ZHX2: variants seen among roughly 807,000 people sequenced by gnomAD.
ZHX2 encodes the protein zinc fingers and homeoboxes 2.
A neutral mutation model predicts 21.9 loss-of-function variants in ZHX2; 6 were observed. The observed-to-expected ratio is 0.27, with a 90% confidence interval of 0.15 to 0.54. The LOEUF is 0.54. Among genes scored for constraint, ZHX2 ranks in the 20% least tolerant of loss-of-function variants. The pLI is 0.95. For synonymous variants in ZHX2, 434 were observed against 437.1 expected (o/e 0.99, Z 0.09); for missense variants, 908 against 1,090.7 (o/e 0.83, Z 2.36).
rs1246970415 is a variant in ZHX2 at position 122,782,260 on chromosome 8, G to A, written c.-283+314G>A. 6.6e-6 allele frequency among the ~76,000 whole-genome samples: 1 copy of A among 152,034 alleles called. No homozygotes were observed. Among genetic ancestry groups the A allele is most frequent in the East Asian group, 1.9e-4 (1 of 5,182 alleles). On this transcript the variant is annotated intron_variant, in intron 1 of 3. Transcript: ENST00000314393. The surrounding 1 kb of genome is among the most constrained non-coding windows in gnomAD (Gnocchi z 5.3). The stretch of plus-strand genomic sequence containing the variant: ...GCCAGAGCGAGGAGGAGGAGGAGGA[G>A]GAGGAAAAACATGTCTACGTTTCCC...
At chr8:122,848,455 C>T (rs74318762) in intron 1 of ZHX2, among the ~76,000 whole-genome samples, 5,870 of 152,166 alleles carry the variant, frequency 0.039, 189 homozygotes, top group Non-Finnish European at 0.054. Context: ...TCTTTATAAA[C>T]GGAACACTTC....
intron 3 of ZHX2, among the ~76,000 whole-genome samples, chr8:122,955,869 G>T (rs1813286918): frequency 8.6e-6 from 1 of 115,628 alleles, no homozygotes. Context: ...TTTTGAGACA[G>T]AGTCTCACTC....
At chr8:122,893,786 T>C (rs932065111) in intron 2 of ZHX2, among the ~76,000 whole-genome samples, 4 of 152,232 alleles carry the variant, frequency 2.6e-5, no homozygotes, top group African/African-American at 9.6e-5. Flanking sequence ...TTTAAGATCA[T>C]TATTTTGTAT....
At chr8:122,802,333 G>A (rs1817736013) in intron 1 of ZHX2, among the ~76,000 whole-genome samples, 1 of 152,218 alleles carries the variant, frequency 6.6e-6, no homozygotes, top group South Asian at 2.1e-4. Context: ...AAAGTGCGGG[G>A]GTTAGAGGCG....
At chr8:122,885,160 A>T (rs1279715817) in intron 2 of ZHX2, among the ~76,000 whole-genome samples, 1 of 152,218 alleles carries the variant, frequency 6.6e-6, no homozygotes, top group Non-Finnish European at 1.5e-5. Context: ...AACCAGGTCG[A>T]CTGGAAGAGC....
intron 1 of ZHX2, among the ~76,000 whole-genome samples, chr8:122,821,412 T>C (rs886639953): frequency 6.6e-6 from 1 of 152,176 alleles, no homozygotes; most frequent in African/African-American, 2.4e-5. Flanking sequence ...GTTTTAACAG[T>C]TGGGGCTTTG....
chr8:122,960,176 C>T lies in ZHX2; in HGVS notation c.*4+6148C>T, dbSNP rs549697840. ...GCTACACTGACATGTTCTTTGGTGC[C>T]GTTAGAGTATAGAATATGGGAATTT... On this transcript the variant is annotated intron_variant, in intron 3 of 3. Transcript: ENST00000314393. 5.3e-5 allele frequency among the ~76,000 whole-genome samples: 8 copies of T among 152,104 alleles called. No homozygotes were observed. In the East Asian group the frequency reaches 5.8e-4, roughly 11 times the overall value.
At chr8:122,846,627 T>A (rs561764814) in intron 1 of ZHX2, among the ~76,000 whole-genome samples, 2 of 151,986 alleles carry the variant, frequency 1.3e-5, no homozygotes, top group African/African-American at 4.8e-5. Flanking sequence ...CTTTTTTTTT[T>A]AAATGTTGTT....
intron 1 of ZHX2, among the ~76,000 whole-genome samples, chr8:122,856,134 G>A (rs1819016763): frequency 6.6e-6 from 1 of 152,196 alleles, no homozygotes; most frequent in South Asian, 2.1e-4. Flanking sequence ...AAAACTGAGG[G>A]TCAGAGAAGA....
At chr8:122,937,933 GTTTTTT>G (rs71310636) in intron 2 of ZHX2, among the ~76,000 whole-genome samples, 3 of 73,352 alleles carry the variant, frequency 4.1e-5, no homozygotes, top group Non-Finnish European at 7.0e-5. Flanking sequence ...TTTCTTTTTG[GTTTTTT>G]TTTTTTTTTT....
chr8:122,898,396 T>C (rs1452338723), intron 2 of ZHX2, among the ~76,000 whole-genome samples: 1 of 152,186 alleles, frequency 6.6e-6, no homozygotes, highest in Non-Finnish European at 1.5e-5. Context: ...GGTGGTATCA[T>C]TAACTATCCA....
chr8:122,870,039 A>C (rs138387769), intron 2 of ZHX2, among the ~76,000 whole-genome samples: 242 of 152,354 alleles, frequency 1.6e-3, no homozygotes, highest in African/African-American at 5.5e-3. Flanking sequence ...AAAGTCTTTC[A>C]TTCTGCCTGT....
chr8:122,918,978 A>G (rs1820672489), intron 2 of ZHX2, among the ~76,000 whole-genome samples: 2 of 151,982 alleles, frequency 1.3e-5, no homozygotes, highest in East Asian at 3.9e-4. Flanking sequence ...ATTTACAAAA[A>G]CAGGAGACAG....
rs1170232916 is a variant in ZHX2 at position 122,973,530 on chromosome 8, G to A, written c.*293G>A. 2.0e-5 allele frequency: 3 copies of A among 152,630 alleles called. No homozygotes were observed. Among genetic ancestry groups the A allele is most frequent in the Non-Finnish European group, 4.4e-5 (3 of 68,038 alleles). 9.5% of individuals were successfully genotyped at this position (152,630 alleles called of 1,614,324 possible). On this transcript the variant is annotated 3_prime_UTR_variant, in exon 4 of 4. Coordinates refer to ENST00000314393, the MANE Select transcript of ZHX2 (RefSeq NM_014943.5). The stretch of plus-strand genomic sequence containing the variant: ...CCTCACCTCTTGCTATACTGGAACC[G>A]ATTTGTACAATGTGGGAATTTTGTT...
chr8:122,927,635 G>A (rs1166133429), intron 2 of ZHX2, among the ~76,000 whole-genome samples: 1 of 152,228 alleles, frequency 6.6e-6, no homozygotes, highest in Non-Finnish European at 1.5e-5. Flanking sequence ...GAAAGCTTGT[G>A]CAGGGGAACT....
chr8:122,926,236 TG>T (rs1820848470), intron 2 of ZHX2, among the ~76,000 whole-genome samples: 1 of 152,112 alleles, frequency 6.6e-6, no homozygotes, highest in Non-Finnish European at 1.5e-5. Context: ...GCCTGAGCAC[TG>T]GGGTATTTAA....
In ZHX2 at chr8:122,875,522, C is replaced by T. The variant is rs181182774; in HGVS notation, c.-220+11983C>T. 1.7e-3 allele frequency among the ~76,000 whole-genome samples: 266 copies of T among 152,236 alleles called. 1 individual carries two copies. Among genetic ancestry groups the T allele is most frequent in the African/African-American group, 6.1e-3 (255 of 41,542 alleles). ...ATTGGACCTTTGGGTCATGAAAGCA[C>T]CTTGGGGCCTTCCCACAGTGGTGAC... On this transcript the variant is annotated intron_variant, in intron 2 of 3. Transcript: ENST00000314393.
intron 1 of ZHX2, among the ~76,000 whole-genome samples, chr8:122,845,075 G>A (rs1287755925): frequency 1.3e-5 from 2 of 152,112 alleles, no homozygotes; most frequent in South Asian, 2.1e-4. Context: ...CAAAGAACAT[G>A]GGCTACAAAC....
chr8:122,942,217 CG>C (rs1185935859), intron 2 of ZHX2, among the ~76,000 whole-genome samples: 1 of 151,966 alleles, frequency 6.6e-6, no homozygotes, highest in East Asian at 1.9e-4. Context: ...AATGCCTTCT[CG>C]GGGGGTGTCA....
Sources: allele counts gnomAD v4.1 joint callset (sites outside exome capture counted in the v4.1 genomes callset), GRCh38; gene constraint gnomAD v4.1.1; non-coding constraint Gnocchi (gnomAD v3.1); transcripts MANE v1.5; gene names NCBI Gene and HGNC (gene_info 2026-07-23, HGNC 2026-07-21).